CSGALNACT1: variants seen among roughly 807,000 people sequenced by gnomAD.
CSGALNACT1 encodes the protein chondroitin sulfate N-acetylgalactosaminyltransferase 1.
In CSGALNACT1, 52 loss-of-function variants were observed where a neutral mutation model predicts 51.0. The ratio of observed to expected loss-of-function variants is 1.02; its 90% CI spans 0.82 to 1.29. The LOEUF (loss-of-function observed/expected upper bound fraction) is 1.29, where lower values mean the gene tolerates loss of function less well. Ranked by LOEUF, CSGALNACT1 falls within the 50% of genes most tolerant of loss-of-function variation. The pLI, the probability that CSGALNACT1 is intolerant of heterozygous loss-of-function variation, is 0.00. For synonymous variants in CSGALNACT1, 341 were observed against 254.4 expected (o/e 1.34, Z -3.24); for missense variants, 935 against 679.2 (o/e 1.38, Z -4.19).
At chr8:19,519,475 C>T (rs60616152) in intron 3 of CSGALNACT1, among the ~76,000 whole-genome samples, 1,762 of 152,198 alleles carry the variant, frequency 0.012, 37 homozygotes, top group African/African-American at 0.04. Flanking sequence ...CAGGGGAAGG[C>T]GATGTCCACA....
intron 3 of CSGALNACT1, among the ~76,000 whole-genome samples, chr8:19,545,773 T>C (rs2086319551): frequency 6.7e-6 from 1 of 149,452 alleles, no homozygotes; most frequent in Non-Finnish European, 1.5e-5. Context: ...AGGATATATA[T>C]ATATATTTGT....
intron 1 of CSGALNACT1, among the ~76,000 whole-genome samples, chr8:19,721,760 G>A (rs1314478795): frequency 6.6e-6 from 1 of 152,204 alleles, no homozygotes; most frequent in Non-Finnish European, 1.5e-5. Flanking sequence ...ACACATTTAT[G>A]CCTAATGAAC....
chr8:19,672,177 G>A (rs1429284493), intron 1 of CSGALNACT1, among the ~76,000 whole-genome samples: 3 of 152,062 alleles, frequency 2.0e-5, no homozygotes, highest in African/African-American at 7.2e-5. Context: ...TCCCACACAT[G>A]GCAATTTTTT....
At chr8:19,601,864 A>G (rs1326091879) in exon 2 of CSGALNACT1, 7 of 453,968 alleles carry the variant, frequency 1.5e-5, no homozygotes, top group Non-Finnish European at 3.1e-5. Flanking sequence ...ATAGGAAGGC[A>G]GCTAAAATAA....
At chr8:19,438,426 G>T (rs917500958) in intron 6 of CSGALNACT1, among the ~76,000 whole-genome samples, 10 of 152,194 alleles carry the variant, frequency 6.6e-5, no homozygotes, top group Admixed American at 6.5e-4. Context: ...GAGAACATTT[G>T]TAATGTACTG....
At chr8:19,645,279 G>A (rs142593499) in intron 1 of CSGALNACT1, among the ~76,000 whole-genome samples, 1 of 152,326 alleles carries the variant, frequency 6.6e-6, no homozygotes, top group African/African-American at 2.4e-5. Context: ...TGATGCAACG[G>A]TATTAACATA....
At chr8:19,498,662 A>G (rs1441452080) in intron 4 of CSGALNACT1, among the ~76,000 whole-genome samples, 2 of 152,108 alleles carry the variant, frequency 1.3e-5, no homozygotes, top group Admixed American at 6.5e-5. Flanking sequence ...TTTGTGTACA[A>G]CGCAGCCAGA....
chr8:19,468,431 G>A (rs1418515057), intron 4 of CSGALNACT1, among the ~76,000 whole-genome samples: 2 of 152,196 alleles, frequency 1.3e-5, no homozygotes, highest in African/African-American at 4.8e-5. Context: ...CACCTTCACA[G>A]GTGCAAACCT....
At chr8:19,635,072 A>C (rs1589172284) in intron 1 of CSGALNACT1, among the ~76,000 whole-genome samples, 1 of 152,238 alleles carries the variant, frequency 6.6e-6, no homozygotes, top group Admixed American at 6.5e-5. Context: ...TGATTGTGTA[A>C]TTAAGTGGTT....
At chr8:19,520,630 ATTAT>A (rs1443742182) in intron 3 of CSGALNACT1, among the ~76,000 whole-genome samples, 3 of 152,248 alleles carry the variant, frequency 2.0e-5, no homozygotes, top group Non-Finnish European at 4.4e-5. Flanking sequence ...CCACATGACA[ATTAT>A]TTAATCCAAG....
intron 1 of CSGALNACT1, among the ~76,000 whole-genome samples, chr8:19,629,609 T>C (rs977138693): frequency 3.3e-5 from 5 of 152,218 alleles, no homozygotes; most frequent in African/African-American, 9.6e-5. Context: ...TGGAGATTTG[T>C]GGACTTTGAC....
At chr8:19,452,700 T>C (rs2063403314) in intron 5 of CSGALNACT1, among the ~76,000 whole-genome samples, 1 of 152,054 alleles carries the variant, frequency 6.6e-6, no homozygotes, top group East Asian at 2.0e-4. Flanking sequence ...CTCTTTGTGA[T>C]GTCCCAGGCC....
rs1217329040 is a variant in CSGALNACT1 at position 19,439,752 on chromosome 8, G to C, written c.953+78C>G. On this transcript the variant is annotated intron_variant, in intron 6 of 9. Coordinates refer to ENST00000454498, the Ensembl canonical transcript of CSGALNACT1. ...ACAGTGTAAAGGAAAATAAAATTAA[G>C]CAGAAGTTTCAGCCTTGGATGTGTG... is the stretch of plus-strand genomic sequence containing the variant. 3.7e-6 allele frequency: 4 copies of C among 1,089,364 alleles called. No homozygotes were observed. In the East Asian group the frequency reaches 7.3e-5, roughly 20 times the overall value. 67.5% of individuals were successfully genotyped at this position (1,089,364 alleles called of 1,614,324 possible).
chr8:19,737,789 A>G (rs2064075904), intron 1 of CSGALNACT1, among the ~76,000 whole-genome samples: 1 of 152,224 alleles, frequency 6.6e-6, no homozygotes, highest in African/African-American at 2.4e-5. Flanking sequence ...TTTCACTTCA[A>G]AATAAAAGGA....
chr8:19,671,573 A>G (rs2059797055), intron 1 of CSGALNACT1, among the ~76,000 whole-genome samples: 1 of 152,222 alleles, frequency 6.6e-6, no homozygotes, highest in South Asian at 2.1e-4. Context: ...TCTGGGACAT[A>G]TAGTGAGAAA....
intron 1 of CSGALNACT1, among the ~76,000 whole-genome samples, chr8:19,625,469 G>T (rs1156795808): frequency 6.6e-6 from 1 of 152,148 alleles, no homozygotes; most frequent in African/African-American, 2.4e-5. Context: ...TGACTCCAAG[G>T]CCTGTGTTTC....
At chr8:19,462,109 G>A (rs35736969) in intron 4 of CSGALNACT1, among the ~76,000 whole-genome samples, 72,627 of 151,924 alleles carry the variant, frequency 0.48, 18,809 homozygotes, top group East Asian at 0.85. Context: ...TTTGTCACAG[G>A]CGGTGTATCT....
chr8:19,527,872 G>A (rs2082008681), intron 3 of CSGALNACT1, among the ~76,000 whole-genome samples: 2 of 152,278 alleles, frequency 1.3e-5, no homozygotes, highest in South Asian at 4.2e-4. Context: ...TCAGAGAAAA[G>A]AAGAGCTGTA....
chr8:19,493,857 C>T (rs186512631), intron 4 of CSGALNACT1, among the ~76,000 whole-genome samples: 4 of 141,440 alleles, frequency 2.8e-5, no homozygotes, highest in Admixed American at 1.4e-4. Flanking sequence ...AGTATATATA[C>T]GTATGTGTGT....
Sources: gnomAD v4.1 joint callset for allele counts (sites outside exome capture counted in the v4.1 genomes callset) on GRCh38, gnomAD v4.1.1 for gene constraint, MANE v1.5 for transcripts, NCBI Gene and HGNC (gene_info 2026-07-23, HGNC 2026-07-21) for gene names.